The following PDE6A variants were observed in gnomAD, a reference collection of about 807,000 sequenced individuals.
PDE6A encodes the protein phosphodiesterase 6A.
Under a neutral mutation model 106.3 loss-of-function variants are expected in PDE6A, and 84 were observed. That is an observed-to-expected ratio of 0.79 (90% CI 0.66 to 0.95). PDE6A has a LOEUF of 0.95. Ranked by LOEUF, PDE6A falls within the 40% of genes least tolerant of loss-of-function variation. The probability of loss-of-function intolerance (pLI) is 0.00; values close to 1 mark genes in which losing one functional copy is unlikely to be tolerated. For missense variants in PDE6A, 1,052 were observed against 1,084.9 expected (o/e 0.97, Z 0.43); for synonymous variants, 394 against 386.6 (o/e 1.02, Z -0.23).
intron 4 of PDE6A, among the ~76,000 whole-genome samples, chr5:149,926,052 G>A (rs1753857212): frequency 6.6e-6 from 1 of 152,066 alleles, no homozygotes; most frequent in Non-Finnish European, 1.5e-5. Flanking sequence ...GGCCAACCTG[G>A]CCAATATGGT....
intron 5 of PDE6A, among the ~76,000 whole-genome samples, chr5:149,916,402 C>T (rs1353540505): frequency 1.3e-5 from 2 of 152,180 alleles, no homozygotes; most frequent in South Asian, 4.1e-4. Context: ...GCCATCCTCC[C>T]TGCAGGGTGC....
At chr5:149,881,962 G>C (rs1354674491) in intron 17 of PDE6A, among the ~76,000 whole-genome samples, 3 of 151,554 alleles carry the variant, frequency 2.0e-5, no homozygotes, top group Non-Finnish European at 4.4e-5. Flanking sequence ...TGAGGTGAGG[G>C]GATTGCTTGA....
At chr5:149,903,121 C>T (rs1244767370) in intron 8 of PDE6A, among the ~76,000 whole-genome samples, 1 of 131,044 alleles carries the variant, frequency 7.6e-6, no homozygotes, top group African/African-American at 2.8e-5. Context: ...TACACTCCAG[C>T]CTGGGCAACA....
chr5:149,909,817 G>A lies in PDE6A; in HGVS notation c.999-2439C>T, dbSNP rs1356199784. On this transcript the variant is annotated intron_variant, in intron 6 of 21. Transcript: ENST00000255266. ...GAATATTTTCTAATTTCCATTAATT[G>A]ATTCTTTTATCCATAGGTTGTTTGG... Among the ~76,000 whole-genome samples the A allele has an allele frequency of 3.3e-5, 5 of 152,124 alleles. No individual in the cohort carries two copies. The East Asian group carries it at 7.7e-4, about 24-fold the overall frequency.
At chr5:149,920,503 T>A (rs1753674060) in intron 5 of PDE6A, among the ~76,000 whole-genome samples, 1 of 151,930 alleles carries the variant, frequency 6.6e-6, no homozygotes, top group African/African-American at 2.4e-5. Context: ...ATCACTTGAA[T>A]CGGGAGGCAG....
chr5:149,859,133 T>A lies in PDE6A; in HGVS notation c.*1762A>T, dbSNP rs868404248. 6.6e-6 allele frequency: 1 copy of A among 152,124 alleles called. No homozygotes were observed. The highest frequency in any genetic ancestry group is 2.4e-5 in the African/African-American group (1 of 41,426). The allele number at this position is 152,124 out of a possible 1,614,324, so 9.4% of individuals were successfully genotyped here. On this transcript the variant is annotated 3_prime_UTR_variant, in exon 22 of 22. Coordinates refer to ENST00000255266, the MANE Select transcript of PDE6A (RefSeq NM_000440.3). ...AGCCACCGCGCCCGGCCAACATCTA[T>A]CTTTTTAAACCAACAGAATGCCTGC...
chr5:149,867,284 T>G (rs1309495527), intron 19 of PDE6A: 4 of 224,790 alleles, frequency 1.8e-5, no homozygotes, highest in Non-Finnish European at 2.7e-5. Flanking sequence ...AAGTTAACTT[T>G]CAATGTTGAC....
chr5:149,909,019 AT>A (rs1367901838), intron 6 of PDE6A, among the ~76,000 whole-genome samples: 1 of 151,822 alleles, frequency 6.6e-6, no homozygotes, highest in Non-Finnish European at 1.5e-5. Flanking sequence ...TTTACTATTA[AT>A]TTTTTTCCTC....
intron 5 of PDE6A, among the ~76,000 whole-genome samples, chr5:149,920,996 A>AAGAAAGAAAGAAAGAAAGAAAGAAAGAG (rs1554091222): frequency 5.5e-5 from 5 of 91,552 alleles, no homozygotes; most frequent in African/African-American, 1.3e-4. Flanking sequence ...GAAAGAAAGA[A>AAGAAAGAAAGAAAGAAAGAAAGAAAGAG]AAAGAAAGAA....
intron 4 of PDE6A, among the ~76,000 whole-genome samples, chr5:149,926,968 A>G (rs1753880346): frequency 6.9e-6 from 1 of 144,592 alleles, no homozygotes; most frequent in Non-Finnish European, 1.5e-5. Flanking sequence ...ACAAGAGCGA[A>G]ACTCCGTCTC....
Position 149,896,408 on chromosome 5 carries a change from A to G in PDE6A, c.1568T>C (p.Ile523Thr), listed in dbSNP as rs1712104817. The change falls in exon 12 of 22, where the codon ATA (isoleucine) becomes ACA (threonine). Residue 523 changes from isoleucine to threonine, a missense_variant. This residue lies in a region of PDE6A where 913 missense variants were observed against 915.2 expected (regional missense o/e 1.00). Coordinates refer to ENST00000255266, the MANE Select transcript of PDE6A (RefSeq NM_000440.3). ...CACTTTGAGCTCATAATACATCTGT[A>G]TTCCACATTTTACCAGCTCCAGTTC... ...LTELELVKCGIQMYYELKVVD... is the reference protein window; with the variant it reads ...LTELELVKCGTQMYYELKVVD... 1 of 1,614,156 alleles carries G rather than the reference A, an allele frequency of 6.2e-7. No homozygotes were observed. The highest frequency in any genetic ancestry group is 8.5e-7 in the Non-Finnish European group (1 of 1,179,998).
At chr5:149,889,588 G>T (rs1462537242) in intron 13 of PDE6A, among the ~76,000 whole-genome samples, 1 of 151,928 alleles carries the variant, frequency 6.6e-6, no homozygotes, top group African/African-American at 2.4e-5. Flanking sequence ...GACTACTGGC[G>T]CATGCCACCA....
rs532797000 is a variant in PDE6A, at chr5:149,865,893, T to C, written c.2358+277A>G. ...GCTAGGGAACTTAGAAGGACATATG[T>C]CTACTATGTTTCCCCTTCCTCTGTG... On this transcript the variant is annotated intron_variant, in intron 20 of 21. Transcript: ENST00000255266. 6.6e-6 allele frequency among the ~76,000 whole-genome samples: 1 copy of C among 152,248 alleles called. No individual in the cohort carries two copies. The highest frequency in any genetic ancestry group is 1.5e-5 in the Non-Finnish European group (1 of 68,044).
intron 13 of PDE6A, 84 bp downstream of exon 13, chr5:149,895,099 C>T (rs991734216): frequency 5.1e-5 from 42 of 828,466 alleles, no homozygotes; most frequent in African/African-American, 2.7e-4. Context: ...AGAAGAACAA[C>T]GCTGTTGCTA....
chr5:149,944,574 A>C lies in PDE6A; in HGVS notation c.100T>G (p.Ser34Ala). ...YNLHYRAKLISDLLGAKEAAV... is the reference protein window; with the variant it reads ...YNLHYRAKLIADLLGAKEAAV... ...GCCTCCTTGGCCCCAAGGAGGTCGGAGATGAGCTTGGCCCGGTAGTGGAGG... is the reference window on the plus strand; with the variant it reads ...GCCTCCTTGGCCCCAAGGAGGTCGGCGATGAGCTTGGCCCGGTAGTGGAGG... The change falls in exon 1 of 22, where the codon TCC (serine) becomes GCC (alanine). Residue 34 changes from serine to alanine, a missense_variant. Around this residue, in one of 3 missense-constraint regions of PDE6A, gnomAD observed 913 missense variants for 915.2 expected, o/e 1.00. Transcript: ENST00000255266. 18 of 1,613,996 alleles carry C rather than the reference A, an allele frequency of 1.1e-5. No homozygotes were observed. The highest frequency in any genetic ancestry group is 1.5e-5 in the Non-Finnish European group (18 of 1,179,962).
intron 13 of PDE6A, among the ~76,000 whole-genome samples, chr5:149,892,305 G>A (rs1014379238): frequency 1.3e-5 from 2 of 151,712 alleles, no homozygotes; most frequent in Non-Finnish European, 2.9e-5. Flanking sequence ...AACAGAGTAG[G>A]AGCTCAAATC....
At chr5:149,926,962 G>A (rs1230988072) in intron 4 of PDE6A, among the ~76,000 whole-genome samples, 8 of 134,206 alleles carry the variant, frequency 6.0e-5, no homozygotes, top group African/African-American at 2.0e-4. Context: ...TGGGCAACAA[G>A]AGCGAAACTC....
intron 8 of PDE6A, among the ~76,000 whole-genome samples, chr5:149,900,366 A>AATAT (rs1256037154): frequency 1.6e-4 from 2 of 12,778 alleles, no homozygotes; most frequent in African/African-American, 3.9e-4. Flanking sequence ...CATCTCGAAA[A>AATAT]ATATATATGT....
At chr5:149,888,378 A>G (rs1374981916) in intron 13 of PDE6A, among the ~76,000 whole-genome samples, 1 of 151,692 alleles carries the variant, frequency 6.6e-6, no homozygotes, top group Non-Finnish European at 1.5e-5. Flanking sequence ...TTCACTGGAA[A>G]TTAAGGTCAC....
Sources: gnomAD v4.1 joint callset for allele counts (sites outside exome capture counted in the v4.1 genomes callset) on GRCh38, gnomAD v4.1.1 for gene constraint, gnomAD v4.1.1 regional missense constraint, MANE v1.5 for transcripts, NCBI Gene and HGNC (gene_info 2026-07-23, HGNC 2026-07-21) for gene names.